The following CADPS2 variants were observed in gnomAD, a reference collection of about 807,000 sequenced individuals.
The protein encoded by CADPS2 is calcium dependent secretion activator 2, also known as calcium-dependent secretion activator 2.
CADPS2 carries 93 observed loss-of-function variants against 172.5 expected under a neutral mutation model. That is an observed-to-expected ratio of 0.54 (90% CI 0.46 to 0.64). The LOEUF (loss-of-function observed/expected upper bound fraction) is 0.64, where lower values mean the gene tolerates loss of function less well. Among genes scored for constraint, CADPS2 ranks in the 30% least tolerant of loss-of-function variants. CADPS2 has a pLI of 0.00. For missense variants in CADPS2, 1,420 were observed against 1,565.9 expected, an observed-to-expected ratio of 0.91 and a Z score of 1.57; for synonymous variants, 546 against 555.2, an observed-to-expected ratio of 0.98 and a Z score of 0.23.
chr7:122,749,059 G>C (rs1463999755), intron 1 of CADPS2, among the ~76,000 whole-genome samples: 1 of 152,014 alleles, frequency 6.6e-6, no homozygotes, highest in Non-Finnish European at 1.5e-5. Flanking sequence ...CACATTAACT[G>C]TGCAAAGCAT....
At chr7:122,413,663 A>G (rs2047567488) in intron 19 of CADPS2, among the ~76,000 whole-genome samples, 1 of 152,156 alleles carries the variant, frequency 6.6e-6, no homozygotes, top group East Asian at 1.9e-4. Context: ...CATCCAGCAA[A>G]ATAAGTATCA....
At chr7:122,497,680 G>A (rs1031376256) in intron 9 of CADPS2, among the ~76,000 whole-genome samples, 1 of 152,038 alleles carries the variant, frequency 6.6e-6, no homozygotes, top group Non-Finnish European at 1.5e-5. Flanking sequence ...TTGCCCTTGG[G>A]TTTACTCATT....
At chr7:122,583,436 T>C (rs2069127433) in intron 6 of CADPS2, among the ~76,000 whole-genome samples, 1 of 151,924 alleles carries the variant, frequency 6.6e-6, no homozygotes, top group Non-Finnish European at 1.5e-5. Context: ...TTTATATTTA[T>C]CACTCCCTTG....
chr7:122,672,001 A>G (rs1258992640), intron 2 of CADPS2, among the ~76,000 whole-genome samples: 1 of 152,240 alleles, frequency 6.6e-6, no homozygotes, highest in African/African-American at 2.4e-5. Flanking sequence ...AGGAAAGGAT[A>G]TCACAGGGAA....
chr7:122,524,273 T>C (rs1336542539), intron 8 of CADPS2, among the ~76,000 whole-genome samples: 2 of 152,206 alleles, frequency 1.3e-5, no homozygotes, highest in African/African-American at 4.8e-5. Context: ...TTACATGTAA[T>C]ACAGGTAATC....
intron 3 of CADPS2, among the ~76,000 whole-genome samples, chr7:122,635,286 T>C (rs999438846): frequency 1.3e-5 from 2 of 150,610 alleles, no homozygotes; most frequent in African/African-American, 2.5e-5. Context: ...TTTTTTTAAT[T>C]ATTATTATTA....
chr7:122,670,202 T>A lies in CADPS2; in HGVS notation c.454-6633A>T, dbSNP rs2081655899. Among the ~76,000 whole-genome samples, 8 of 152,036 alleles carry A rather than the reference T, an allele frequency of 5.3e-5. No individual in the cohort carries two copies. In the South Asian group the frequency reaches 1.7e-3, roughly 32 times the overall value. On this transcript the variant is annotated intron_variant, in intron 2 of 29. Coordinates refer to ENST00000449022, the MANE Select transcript of CADPS2 (RefSeq NM_017954.11). ...CATATATATATATAAACACTGATCA[T>A]TTAAATCCTTCTCCAGCTTAAAATT...
At chr7:122,660,055 A>G (rs939896544) in intron 3 of CADPS2, among the ~76,000 whole-genome samples, 4 of 152,210 alleles carry the variant, frequency 2.6e-5, no homozygotes, top group African/African-American at 9.6e-5. Flanking sequence ...GAATCTACAT[A>G]AAGAAATGAA....
intron 1 of CADPS2, among the ~76,000 whole-genome samples, chr7:122,818,722 C>T (rs1802245326): frequency 6.6e-6 from 1 of 152,268 alleles, no homozygotes; most frequent in Admixed American, 6.5e-5. Flanking sequence ...CTGACTAGCC[C>T]TCCCCATCCT....
chr7:122,512,328 A>AT (rs2060063049), intron 9 of CADPS2, among the ~76,000 whole-genome samples: 1 of 152,132 alleles, frequency 6.6e-6, no homozygotes, highest in Admixed American at 6.6e-5. Context: ...AATGTGTGCC[A>AT]TTGGAATCAA....
chr7:122,847,466 G>A (rs1057184189), intron 1 of CADPS2, among the ~76,000 whole-genome samples: 5 of 152,286 alleles, frequency 3.3e-5, no homozygotes, highest in African/African-American at 1.2e-4. Context: ...ACTCTGATGA[G>A]TCTTTTACTT....
intron 22 of CADPS2, 28 bp downstream of exon 22, chr7:122,393,168 C>A (rs537109867): frequency 1.6e-5 from 26 of 1,609,676 alleles, no homozygotes; most frequent in Non-Finnish European, 2.1e-5. Flanking sequence ...GCTAACACAC[C>A]ACCAGGAAAT....
chr7:122,502,787 A>G (rs963343979), intron 9 of CADPS2, among the ~76,000 whole-genome samples: 5 of 152,120 alleles, frequency 3.3e-5, no homozygotes, highest in Admixed American at 2.6e-4. Flanking sequence ...GTCTGAGATC[A>G]TACTCATTTA....
chr7:122,859,867 G>A (rs1436355848), intron 1 of CADPS2, among the ~76,000 whole-genome samples: 1 of 151,924 alleles, frequency 6.6e-6, no homozygotes, highest in African/African-American at 2.4e-5. Flanking sequence ...TCTTCAATCT[G>A]CAGTTGGTTG....
Position 122,413,552 on chromosome 7 carries a change from A to G in CADPS2, c.2589+516T>C, listed in dbSNP as rs913438452. Reference sequence around the variant, plus strand: ...GAGAATGAAAATAAAAGGAGCTGACATGCGAGCCACTTGAAGGTCTCTTTG... The same window carrying G: ...GAGAATGAAAATAAAAGGAGCTGACGTGCGAGCCACTTGAAGGTCTCTTTG... On this transcript the variant is annotated intron_variant, in intron 19 of 29. Coordinates refer to ENST00000449022, the MANE Select transcript of CADPS2 (RefSeq NM_017954.11). 2.6e-5 allele frequency among the ~76,000 whole-genome samples: 4 copies of G among 152,336 alleles called. No homozygotes were observed. In the East Asian group the frequency reaches 5.8e-4, roughly 22 times the overall value.
Position 122,471,371 on chromosome 7 carries a change from A to T in CADPS2, c.2186+4T>A. On this transcript the variant is annotated splice_donor_region_variant and intron_variant, in intron 14 of 29. Coordinates refer to ENST00000449022, the MANE Select transcript of CADPS2 (RefSeq NM_017954.11). ...TTTCACTTTGTATTTGCAAGTAAAA[A>T]TACCTGTTGCCGTGCACATGAGAGG... The T allele has an allele frequency of 6.2e-7, 1 of 1,605,080 alleles. No homozygotes were observed. The highest frequency in any genetic ancestry group is 8.5e-7 in the Non-Finnish European group (1 of 1,175,466).
intron 17 of CADPS2, among the ~76,000 whole-genome samples, chr7:122,420,801 ATTC>A (rs2048450157): frequency 1.3e-5 from 2 of 152,316 alleles, no homozygotes; most frequent in African/African-American, 4.8e-5. Context: ...CTTGGCTATG[ATTC>A]TTCTTTGCTC....
chr7:122,688,764 G>T, intron 2 of CADPS2, among the ~76,000 whole-genome samples: 1 of 79,758 alleles, frequency 1.3e-5, no homozygotes, highest in Non-Finnish European at 3.2e-5. Flanking sequence ...CATGGTTGTG[G>T]TAACGGGGAG....
chr7:122,635,998 G>A (rs760802631), intron 3 of CADPS2, among the ~76,000 whole-genome samples: 10 of 152,078 alleles, frequency 6.6e-5, no homozygotes, highest in Non-Finnish European at 1.3e-4. Flanking sequence ...GTCATTACAC[G>A]TGAGATGCCT....
Sources: gnomAD v4.1 joint callset for allele counts (sites outside exome capture counted in the v4.1 genomes callset) on GRCh38, gnomAD v4.1.1 for gene constraint, MANE v1.5 for transcripts, NCBI Gene and HGNC (gene_info 2026-07-23, HGNC 2026-07-21) for gene names.